Variants in RALGAPA1 observed in about 807,000 individuals in gnomAD.
RALGAPA1 encodes Ral GTPase activating protein catalytic subunit alpha 1, also known as ral GTPase-activating protein subunit alpha-1.
A neutral mutation model predicts 269.6 loss-of-function variants in RALGAPA1; 52 were observed. The observed-to-expected ratio is 0.19, with a 90% CI of 0.15 to 0.24. RALGAPA1 has a LOEUF of 0.24. RALGAPA1 is among the 10% of genes least tolerant of loss of function. RALGAPA1 has a pLI of 1.00. For missense variants in RALGAPA1, 1,917 were observed against 3,013.9 expected, an observed-to-expected ratio of 0.64 and a Z score of 8.52; for synonymous variants, 817 against 1,008.3, an observed-to-expected ratio of 0.81 and a Z score of 3.60.
Position 35,685,073 on chromosome 14 carries a change from G to A in RALGAPA1, c.4150C>T (p.Gln1384Ter). 1 of 1,588,704 alleles carries A rather than the reference G, an allele frequency of 6.3e-7. No individual in the cohort carries two copies. Among genetic ancestry groups the A allele is most frequent in the Non-Finnish European group, 8.6e-7 (1 of 1,166,642 alleles). ...TCATCAATAGGGCGCATCTGGTTCT[G>A]CTTGTTTAGAATATCAGGGAGGTCT... is the stretch of plus-strand genomic sequence containing the variant. ...PKDLPDILNK[Q>*]NQMRPIDDPG... Residue 1384 changes from glutamine (Q) to a stop codon, truncating the protein, a stop_gained, in exon 20 of 42, where the codon CAG becomes TAG. Coordinates refer to ENST00000680220, the MANE Select transcript of RALGAPA1 (RefSeq NM_001346249.2). LOFTEE classifies it high-confidence loss of function.
At chr14:35,658,236 T>C (rs1302817065) in intron 28 of RALGAPA1, among the ~76,000 whole-genome samples, 9 of 152,214 alleles carry the variant, frequency 5.9e-5, no homozygotes, top group East Asian at 1.9e-4. Context: ...AGCTTGGCTA[T>C]TGAGAAAAAT....
intron 3 of RALGAPA1, among the ~76,000 whole-genome samples, chr14:35,774,051 C>G (rs1178721488): frequency 6.6e-6 from 1 of 151,934 alleles, no homozygotes; most frequent in Non-Finnish European, 1.5e-5. Flanking sequence ...GTCACTAGCA[C>G]TACAAGCGCC....
intron 31 of RALGAPA1, among the ~76,000 whole-genome samples, chr14:35,640,408 T>TA: frequency 6.6e-6 from 1 of 151,978 alleles, no homozygotes; most frequent in Middle Eastern, 3.4e-3. Flanking sequence ...GAGGAGACAT[T>TA]AAAAACCGAT....
chr14:35,766,286 T>G, intron 4 of RALGAPA1: 1 of 875,528 alleles, frequency 1.1e-6, no homozygotes, highest in South Asian at 1.4e-5. Context: ...TGGCTGAACA[T>G]GACCCTACGG....
chr14:35,755,085 C>T (rs935305927), intron 7 of RALGAPA1, among the ~76,000 whole-genome samples: 4 of 152,140 alleles, frequency 2.6e-5, no homozygotes, highest in African/African-American at 7.2e-5. Flanking sequence ...TGGTGGCTCA[C>T]GCCTATAATC....
chr14:35,769,842 A>G (rs1473852251), intron 4 of RALGAPA1, among the ~76,000 whole-genome samples: 1 of 152,208 alleles, frequency 6.6e-6, no homozygotes, highest in African/African-American at 2.4e-5. Context: ...AAGTCCAAGT[A>G]CAAATGGTCT....
chr14:35,793,994 C>T (rs1282935257), intron 1 of RALGAPA1, among the ~76,000 whole-genome samples: 1 of 152,114 alleles, frequency 6.6e-6, no homozygotes, highest in Non-Finnish European at 1.5e-5. Flanking sequence ...CACTTTATGT[C>T]AATAATCTGC....
chr14:35,710,103 T>A (rs745928614), intron 16 of RALGAPA1, among the ~76,000 whole-genome samples: 31 of 152,322 alleles, frequency 2.0e-4, no homozygotes, highest in South Asian at 2.1e-4. Flanking sequence ...GCCTGCTGGA[T>A]CTGTCAATTA....
At chr14:35,787,891 C>G (rs1225021077) in intron 1 of RALGAPA1, among the ~76,000 whole-genome samples, 1 of 151,220 alleles carries the variant, frequency 6.6e-6, no homozygotes, top group East Asian at 2.0e-4. Context: ...CCCTAATTTA[C>G]CCATTTCTAA....
chr14:35,651,402 G>A (rs1174678819), intron 31 of RALGAPA1, among the ~76,000 whole-genome samples: 5 of 152,118 alleles, frequency 3.3e-5, no homozygotes, highest in African/African-American at 1.2e-4. Flanking sequence ...GCAGACACAG[G>A]AGATGTCTTC....
At chr14:35,580,043 CATTT>C (rs2057854819) in intron 37 of RALGAPA1, among the ~76,000 whole-genome samples, 1 of 152,114 alleles carries the variant, frequency 6.6e-6, no homozygotes, top group Non-Finnish European at 1.5e-5. Context: ...CTACAAGGTT[CATTT>C]ATTTGCACAA....
intron 37 of RALGAPA1, among the ~76,000 whole-genome samples, chr14:35,590,790 T>C (rs2058587574): frequency 6.6e-6 from 1 of 152,256 alleles, no homozygotes; most frequent in Non-Finnish European, 1.5e-5. Flanking sequence ...AAAAACAGTA[T>C]GTTAATAACC....
chr14:35,801,612 C>T (rs2076986424), intron 1 of RALGAPA1, among the ~76,000 whole-genome samples: 1 of 152,116 alleles, frequency 6.6e-6, no homozygotes, highest in South Asian at 2.1e-4. Flanking sequence ...GTATAATCAA[C>T]AATTTATACC....
At chr14:35,664,518 A>G in intron 27 of RALGAPA1, 124 bp downstream of exon 27, 2 of 761,296 alleles carry the variant, frequency 2.6e-6, no homozygotes, top group Non-Finnish European at 4.1e-6. Flanking sequence ...TCTGGAGGAT[A>G]TGGCTAATGT....
intron 27 of RALGAPA1, among the ~76,000 whole-genome samples, chr14:35,660,655 T>C (rs1040932730): frequency 6.6e-5 from 10 of 152,104 alleles, no homozygotes; most frequent in Admixed American, 4.6e-4. Context: ...CCTATGTTCA[T>C]TGCAGAATTA....
chr14:35,581,291 G>A (rs1283330144), intron 37 of RALGAPA1, among the ~76,000 whole-genome samples: 1 of 152,100 alleles, frequency 6.6e-6, no homozygotes, highest in African/African-American at 2.4e-5. Flanking sequence ...CAGTCATTAG[G>A]TATAGGGAAA....
intron 33 of RALGAPA1, among the ~76,000 whole-genome samples, chr14:35,633,014 C>T (rs546334001): frequency 5.9e-5 from 9 of 152,232 alleles, no homozygotes; most frequent in Admixed American, 6.5e-5. Flanking sequence ...CAACTTGATA[C>T]GTTTAGAGAA....
intron 39 of RALGAPA1, among the ~76,000 whole-genome samples, chr14:35,562,231 C>T (rs1178145169): frequency 2.0e-5 from 3 of 152,214 alleles, no homozygotes; most frequent in East Asian, 1.9e-4. Context: ...AATTGGAAAC[C>T]TCATCAGCGT....
intron 41 of RALGAPA1, among the ~76,000 whole-genome samples, chr14:35,547,583 C>A (rs80304562): frequency 1.3e-5 from 2 of 152,026 alleles, no homozygotes; most frequent in African/African-American, 4.8e-5. Flanking sequence ...GACATTTTAT[C>A]GGACATTCTC....
Sources: allele counts gnomAD v4.1 joint callset (sites outside exome capture counted in the v4.1 genomes callset), GRCh38; gene constraint gnomAD v4.1.1; transcripts MANE v1.5; gene names NCBI Gene and HGNC (gene_info 2026-07-23, HGNC 2026-07-21).